The following MMP2 variants were observed in gnomAD, a reference collection of about 807,000 sequenced individuals.
The protein encoded by MMP2 is 72 kDa type IV collagenase.
A neutral mutation model predicts 74.8 loss-of-function variants in MMP2; 39 were observed. That is an observed-to-expected ratio of 0.52 (90% CI 0.40 to 0.68). MMP2 has a LOEUF of 0.68. MMP2 is among the 30% of genes least tolerant of loss of function. The pLI, the probability that MMP2 is intolerant of heterozygous loss-of-function variation, is 0.00. For synonymous variants in MMP2, 367 were observed against 339.8 expected, an observed-to-expected ratio of 1.08 and a Z score of -0.88; for missense variants, 803 against 878.3, an observed-to-expected ratio of 0.91 and a Z score of 1.08.
At chr16:55,489,336 T>C (rs1311519532) in intron 6 of MMP2, among the ~76,000 whole-genome samples, 1 of 152,200 alleles carries the variant, frequency 6.6e-6, no homozygotes, top group African/African-American at 2.4e-5. Context: ...ATCTGCCCCC[T>C]TCCATGGGAG....
chr16:55,480,108 G>C (rs528525730), intron 1 of MMP2: 1 of 159,848 alleles, frequency 6.3e-6, no homozygotes, highest in South Asian at 1.8e-4. Flanking sequence ...GTAGGACTTT[G>C]GGAACGGTGC....
intron 1 of MMP2, among the ~76,000 whole-genome samples, chr16:55,480,295 CA>C (rs1962065474): frequency 6.6e-6 from 1 of 152,172 alleles, no homozygotes; most frequent in African/African-American, 2.4e-5. Flanking sequence ...GCAGAGAGCG[CA>C]TCTTTTTTCT....
Position 55,486,239 on chromosome 16 carries a change from T to G in MMP2, c.832+462T>G, listed in dbSNP as rs1198208856. On this transcript the variant is annotated intron_variant, in intron 5 of 12. Coordinates refer to ENST00000219070, the MANE Select transcript of MMP2 (RefSeq NM_004530.6). ...AGGGAGGCAGGACTCAGACCAGGGC[T>G]GGACTCAACCTGGTTTGCGTACTCC... Among the ~76,000 whole-genome samples, 14 of 152,054 alleles carry G rather than the reference T, an allele frequency of 9.2e-5. 1 individual carries two copies.
chr16:55,491,989 G>GGTT, intron 8 of MMP2, 33 bp downstream of exon 8: 1 of 1,406,560 alleles, frequency 7.1e-7, no homozygotes, highest in Non-Finnish European at 9.9e-7. Flanking sequence ...GGGGTGGAGG[G>GGTT]TGAGGAGGGG....
rs760180233 is a variant in MMP2 at position 55,479,548 on chromosome 16, G to T, written c.69G>T (p.Leu23=). The part of the protein sequence containing the change: ...PLRALCLLGC[L]LSHAAAAPSP... ...GGGCGCTCTGTCTCCTGGGCTGCCT[G>T]CTGAGCCACGCCGCCGCCGCGCCGT... Residue 23 remains leucine (L), a synonymous_variant, in exon 1 of 13, where the codon CTG becomes CTT. Coordinates refer to ENST00000219070, the MANE Select transcript of MMP2 (RefSeq NM_004530.6). The T allele has an allele frequency of 6.2e-7, 1 of 1,612,124 alleles. No individual in the cohort carries two copies. The highest frequency in any genetic ancestry group is 2.2e-5 in the East Asian group (1 of 44,844).
chr16:55,486,352 T>TGC (rs1567375095), intron 5 of MMP2, among the ~76,000 whole-genome samples: 23 of 56,038 alleles, frequency 4.1e-4, no homozygotes, highest in African/African-American at 1.3e-3. Flanking sequence ...TGTGCCTGTG[T>TGC]GTGTGTGTGT....
chr16:55,498,560 T>C, intron 11 of MMP2, 112 bp downstream of exon 11: 2 of 1,405,630 alleles, frequency 1.4e-6, no homozygotes, highest in East Asian at 2.3e-5. Context: ...GGGCTCTGGA[T>C]GCCCTCTCTC....
chr16:55,484,454 A>G (rs1220638992), intron 3 of MMP2, among the ~76,000 whole-genome samples: 3 of 152,206 alleles, frequency 2.0e-5, no homozygotes, highest in African/African-American at 4.8e-5. Flanking sequence ...GGCAGAATAT[A>G]CATGGCTGTT....
intron 9 of MMP2, among the ~76,000 whole-genome samples, chr16:55,496,080 C>T (rs1849358872): frequency 6.6e-6 from 1 of 152,208 alleles, no homozygotes; most frequent in Admixed American, 6.5e-5. Context: ...GTTCTCAAAC[C>T]TTGGCATGCG....
intron 8 of MMP2, among the ~76,000 whole-genome samples, chr16:55,492,914 C>A (rs1962446049): frequency 6.6e-6 from 1 of 152,086 alleles, no homozygotes; most frequent in South Asian, 2.1e-4. Flanking sequence ...ATCATGATAC[C>A]CCACTCCCAG....
In MMP2 at chr16:55,483,924, C is replaced by G. The variant is rs28730812; in HGVS notation, c.381-92C>G. 4.1e-4 allele frequency: 595 copies of G among 1,447,486 alleles called. 5 individuals carry two copies. The East Asian group carries it at 8.3e-3, about 20-fold the overall frequency. 89.7% of individuals were successfully genotyped at this position (1,447,486 alleles called of 1,614,324 possible). ...GTTCACATACACACACACACTCAAA[C>G]TTTTTCATACATCTGTGCACACACA... is the stretch of plus-strand genomic sequence containing the variant. On this transcript the variant is annotated intron_variant, in intron 2 of 12. Transcript: ENST00000219070.
chr16:55,495,671 AAC>A (rs1206527451), intron 9 of MMP2, among the ~76,000 whole-genome samples: 1 of 152,234 alleles, frequency 6.6e-6, no homozygotes, highest in Admixed American at 6.5e-5. Flanking sequence ...TTCTGCAAAT[AAC>A]AGAGACCATC....
intron 7 of MMP2, among the ~76,000 whole-genome samples, 169 bp downstream of exon 7, chr16:55,489,993 G>A (rs1962364649): frequency 6.6e-6 from 1 of 152,114 alleles, no homozygotes; most frequent in Non-Finnish European, 1.5e-5. Context: ...ATCTCTGGTG[G>A]AGCCAAGGTC....
intron 3 of MMP2, among the ~76,000 whole-genome samples, chr16:55,484,713 C>G (rs1962197703): frequency 6.6e-6 from 1 of 152,142 alleles, no homozygotes; most frequent in Non-Finnish European, 1.5e-5. Flanking sequence ...AACCTGGGGC[C>G]AGGTGGCCAT....
chr16:55,497,771 C>T (rs1211781421), intron 10 of MMP2, among the ~76,000 whole-genome samples: 3 of 152,134 alleles, frequency 2.0e-5, no homozygotes, highest in Non-Finnish European at 4.4e-5. Context: ...GCTCTGCCTT[C>T]GCGATGCTCA....
chr16:55,493,264 C>G lies in MMP2; in HGVS notation c.1443C>G (p.Ile481Met). ...TTGTATTTGATGGCATCGCTCAGAT[C>G]CGTGGTGAGATCTTCTTCTTCAAGG... The part of the protein sequence containing the change: ...QDIVFDGIAQ[I>M]RGEIFFFKDR... The change falls in exon 9 of 13, where the codon ATC (isoleucine) becomes ATG (methionine). Residue 481 changes from isoleucine to methionine, a missense_variant. Physicochemically the swap from Ile to Met is conservative, Grantham distance 10. Coordinates refer to ENST00000219070, the MANE Select transcript of MMP2 (RefSeq NM_004530.6). 1 of 1,614,170 alleles carries G rather than the reference C, an allele frequency of 6.2e-7. No individual in the cohort carries two copies. The highest frequency in any genetic ancestry group is 8.5e-7 in the Non-Finnish European group (1 of 1,180,036).
chr16:55,488,736 C>G lies in MMP2; in HGVS notation c.1006+20C>G, dbSNP rs762257103. 1.3e-6 allele frequency: 2 copies of G among 1,575,612 alleles called. No individual in the cohort carries two copies. Among genetic ancestry groups the G allele is most frequent in the South Asian group, 1.2e-5 (1 of 86,592 alleles). Reference sequence around the variant, plus strand: ...AGACCGGTGGGTGCCACTCCCTCTCCCTCCCTCAGGGCCCAGCACCTGCTG... The same window carrying G: ...AGACCGGTGGGTGCCACTCCCTCTCGCTCCCTCAGGGCCCAGCACCTGCTG... On this transcript the variant is annotated intron_variant, in intron 6 of 12. Coordinates refer to ENST00000219070, the MANE Select transcript of MMP2 (RefSeq NM_004530.6).
intron 5 of MMP2, among the ~76,000 whole-genome samples, chr16:55,486,355 G>GTGTGTGCC (rs1555491727): frequency 4.2e-5 from 3 of 72,012 alleles, no homozygotes; most frequent in Non-Finnish European, 1.1e-4. Flanking sequence ...GCCTGTGTGT[G>GTGTGTGCC]TGTGTGTGTG....
chr16:55,498,883 C>T (rs956386172), intron 11 of MMP2, among the ~76,000 whole-genome samples: 6 of 152,070 alleles, frequency 3.9e-5, no homozygotes, highest in Admixed American at 2.0e-4. Flanking sequence ...GTTAGGTAAC[C>T]GTGGCTGGGC....
Sources: gnomAD v4.1 joint callset for allele counts (sites outside exome capture counted in the v4.1 genomes callset) on GRCh38, gnomAD v4.1.1 for gene constraint, MANE v1.5 for transcripts, NCBI Gene and HGNC (gene_info 2026-07-23, HGNC 2026-07-21) for gene names.